Variants in CPS1 observed in about 807,000 individuals in gnomAD.
CPS1 encodes carbamoyl-phosphate synthase [ammonia], mitochondrial.
Under a neutral mutation model 174.6 loss-of-function variants are expected in CPS1, and 109 were observed. That is an observed-to-expected ratio of 0.62 (90% CI 0.53 to 0.73). The LOEUF is 0.73. Ranked by LOEUF, CPS1 falls within the 30% of genes least tolerant of loss-of-function variation. CPS1 has a pLI of 0.00. For synonymous variants in CPS1, 637 were observed against 632.0 expected (o/e 1.01, Z -0.12); for missense variants, 1,689 against 1,821.9 (o/e 0.93, Z 1.33).
At chr2:210,658,076 G>A (rs1245001735) in intron 30 of CPS1, 3 of 168,244 alleles carry the variant, frequency 1.8e-5, no homozygotes, top group African/African-American at 7.2e-5. Context: ...TCCTGTATGT[G>A]ACATGCAGGG....
rs554472518 is a variant in CPS1, at chr2:210,524,438, A to G, written c.4-32281A>G. Among the ~76,000 whole-genome samples the G allele has an allele frequency of 2.6e-5, 4 of 152,152 alleles. No individual in the cohort carries two copies. The South Asian group carries it at 8.3e-4, about 32-fold the overall frequency. The stretch of plus-strand genomic sequence containing the variant: ...AATATAGTAGGAAATAAGATTAGTC[A>G]AAGTTCCTGTCTCCATGGAGCTTAT... On this transcript the variant is annotated intron_variant, in intron 1 of 38. Coordinates refer to the CPS1 transcript ENST00000430249.
rs571382612 is a variant in CPS1 at position 210,651,857 on chromosome 2, G to A, written c.3480+1419G>A. Among the ~76,000 whole-genome samples, 29 of 152,250 alleles carry A rather than the reference G, an allele frequency of 1.9e-4. No individual in the cohort carries two copies. In the East Asian group the frequency reaches 5.2e-3, roughly 27 times the overall value. ...TATTTATAGCACCTGTTATATGGTGGCATTGTTCTCAGTATCAGGAATTGT... is the reference window on the plus strand; with the variant it reads ...TATTTATAGCACCTGTTATATGGTGACATTGTTCTCAGTATCAGGAATTGT... On this transcript the variant is annotated intron_variant, in intron 28 of 37. Coordinates refer to ENST00000233072, the MANE Select transcript of CPS1 (RefSeq NM_001875.5).
At chr2:210,653,944 ATACT>A in intron 28 of CPS1, 77 bp from the exon 29 acceptor site, 1 of 1,101,742 alleles carries the variant, frequency 9.1e-7, no homozygotes, top group Non-Finnish European at 1.4e-6. Context: ...GATACTTATA[ATACT>A]TAAAGTACAT....
At chr2:210,513,368 A>G (rs898623120) in intron 1 of CPS1, among the ~76,000 whole-genome samples, 5 of 151,762 alleles carry the variant, frequency 3.3e-5, no homozygotes, top group African/African-American at 9.7e-5. Context: ...AATAACAGCC[A>G]TTCCTACTGG....
At chr2:210,634,357 G>T (rs1358095726) in intron 21 of CPS1, among the ~76,000 whole-genome samples, 1 of 152,212 alleles carries the variant, frequency 6.6e-6, no homozygotes, top group African/African-American at 2.4e-5. Context: ...GTGAGCCCGG[G>T]AGGCGGAGCT....
At position 210,595,356 on chromosome 2, in the gene CPS1, AT is replaced by A. The variant is rs1194474459; in HGVS notation, c.1264-126del. 4.2e-6 allele frequency: 3 copies of A among 707,326 alleles called. No homozygotes were observed. In the African/African-American group the frequency reaches 5.3e-5, roughly 13 times the overall value. The allele number at this position is 707,326 out of a possible 1,614,324, so 43.8% of individuals were successfully genotyped here. ...TAGTCTTTTTCCCTATATATTACAT[AT>A]TTTTCATTACATTAGACCTTAGATG... On this transcript the variant is annotated intron_variant, in intron 12 of 37. Coordinates refer to ENST00000233072, the MANE Select transcript of CPS1 (RefSeq NM_001875.5).
intron 33 of CPS1, 45 bp downstream of exon 33, chr2:210,663,242 G>C (rs754209503): frequency 3.9e-6 from 6 of 1,535,800 alleles, no homozygotes; most frequent in Non-Finnish European, 5.4e-6. Context: ...AATCTACTTT[G>C]AAATCTATGG....
In CPS1 at chr2:210,617,107, C is replaced by G. The variant is rs981238670; in HGVS notation, c.2687+566C>G. On this transcript the variant is annotated intron_variant, in intron 21 of 37. Coordinates refer to ENST00000233072, the MANE Select transcript of CPS1 (RefSeq NM_001875.5). ...GACTAATTTACATTTTTATCTCCAT[C>G]ATGGCCAATTATTTTTAAACTTCAT... Among the ~76,000 whole-genome samples, 11 of 152,124 alleles carry G rather than the reference C, an allele frequency of 7.2e-5. No homozygotes were observed. The East Asian group carries it at 2.1e-3, about 30-fold the overall frequency.
At chr2:210,603,398 GT>G (rs1698793276) in intron 16 of CPS1, among the ~76,000 whole-genome samples, 2 of 151,798 alleles carry the variant, frequency 1.3e-5, no homozygotes, top group Admixed American at 6.6e-5. Context: ...CTTGGGTTTC[GT>G]TTTTCTAAAG....
chr2:210,530,909 G>A (rs1018283416), intron 1 of CPS1, among the ~76,000 whole-genome samples: 1 of 151,754 alleles, frequency 6.6e-6, no homozygotes, highest in African/African-American at 2.4e-5. Flanking sequence ...ATTCCTTGCA[G>A]TTAATTATGC....
At chr2:210,556,283 T>TA (rs1237319764), upstream of CPS1, 20 of 454,272 alleles carry the variant, frequency 4.4e-5, no homozygotes, top group Middle Eastern at 3.3e-4. Context: ...CAAAATCTCT[T>TA]ATGAGGCATA....
chr2:210,647,289 G>A (rs564664102), intron 25 of CPS1, among the ~76,000 whole-genome samples: 6 of 152,320 alleles, frequency 3.9e-5, no homozygotes, highest in Middle Eastern at 6.8e-3. Flanking sequence ...AAAATACCTA[G>A]TTGGAGCTAA....
rs754446815 is a variant in CPS1 at position 210,677,024 on chromosome 2, G to A, written c.4292G>A (p.Ser1431Asn). 8.7e-6 allele frequency: 14 copies of A among 1,613,594 alleles called. No homozygotes were observed. The South Asian group carries it at 1.5e-4, about 18-fold the overall frequency. The change falls in exon 37 of 38, where the codon AGC becomes AAC. Residue 1431 changes from serine to asparagine, a missense_variant. Coordinates refer to ENST00000233072, the MANE Select transcript of CPS1 (RefSeq NM_001875.5). ...TTTTCCAGATTGATTAGAGATGGCA[G>A]CATTGACCTAGTGATTAACCTTCCC... is the stretch of plus-strand genomic sequence containing the variant. ...SSIRKLIRDG[S>N]IDLVINLPNN...
chr2:210,538,486 A>AATT (rs1360298671), intron 1 of CPS1, among the ~76,000 whole-genome samples: 18 of 151,998 alleles, frequency 1.2e-4, no homozygotes, highest in African/African-American at 4.3e-4. Flanking sequence ...TTTAATTTTA[A>AATT]TCCTTTACTT....
At chr2:210,589,930 G>T (rs555225864) in intron 7 of CPS1, among the ~76,000 whole-genome samples, 176 bp from the exon 8 acceptor site, 2 of 151,922 alleles carry the variant, frequency 1.3e-5, no homozygotes, top group Non-Finnish European at 2.9e-5. Context: ...TAGGATCACC[G>T]GCATGAGCCA....
chr2:210,620,678 G>A (rs1699486621), intron 21 of CPS1, among the ~76,000 whole-genome samples: 1 of 151,914 alleles, frequency 6.6e-6, no homozygotes, highest in Admixed American at 6.6e-5. Context: ...AGTCGGTGGG[G>A]GAGGTGCCAC....
intron 6 of CPS1, among the ~76,000 whole-genome samples, chr2:210,586,436 A>G (rs1213783261): frequency 4.6e-5 from 7 of 152,020 alleles, no homozygotes; most frequent in African/African-American, 9.7e-5. Context: ...ATAGAGGGTG[A>G]TGATAGATGA....
chr2:210,630,504 G>A (rs184104565), intron 21 of CPS1, among the ~76,000 whole-genome samples: 11 of 152,088 alleles, frequency 7.2e-5, no homozygotes, highest in African/African-American at 2.7e-4. Context: ...TAGAATCTGG[G>A]TCCACTTAGC....
intron 1 of CPS1, among the ~76,000 whole-genome samples, chr2:210,498,746 T>G (rs975512894): frequency 2.6e-5 from 4 of 152,182 alleles, no homozygotes; most frequent in African/African-American, 9.7e-5. Context: ...CCTAAATTCT[T>G]ATTCCAGTAG....
Sources: allele counts gnomAD v4.1 joint callset (sites outside exome capture counted in the v4.1 genomes callset), GRCh38; gene constraint gnomAD v4.1.1; transcripts MANE v1.5; gene names NCBI Gene and HGNC (gene_info 2026-07-23, HGNC 2026-07-21).